ADAMTSL1: variants seen among roughly 807,000 people sequenced by gnomAD.
ADAMTSL1 encodes the protein ADAMTS like 1, also known as ADAMTS-like protein 1.
In ADAMTSL1, 126 loss-of-function variants were observed where a neutral mutation model predicts 201.8. That is an observed-to-expected ratio of 0.62 (90% CI 0.54 to 0.72). The LOEUF is 0.72. ADAMTSL1 is among the 30% of genes least tolerant of loss of function. ADAMTSL1 has a pLI of 0.00. For synonymous variants in ADAMTSL1, 1,121 were observed against 903.4 expected (o/e 1.24, Z -4.32); for missense variants, 2,679 against 2,277.8 (o/e 1.18, Z -3.59).
chr9:18,244,271 G>A (rs540086636), intron 2 of ADAMTSL1, among the ~76,000 whole-genome samples: 2 of 152,108 alleles, frequency 1.3e-5, no homozygotes, highest in Non-Finnish European at 2.9e-5. Flanking sequence ...TCTCTCAAGA[G>A]TTTTCTAATT....
intron 1 of ADAMTSL1, among the ~76,000 whole-genome samples, chr9:18,144,915 G>T (rs1004842733): frequency 6.6e-6 from 1 of 152,148 alleles, no homozygotes; most frequent in African/African-American, 2.4e-5. Context: ...GCATGATAAA[G>T]ATATTTTCCT....
intron 2 of ADAMTSL1, among the ~76,000 whole-genome samples, chr9:18,280,588 A>G (rs180897501): frequency 3.9e-5 from 6 of 152,216 alleles, no homozygotes; most frequent in Admixed American, 3.9e-4. Context: ...TTTATCTGAG[A>G]AATGATTTTT....
At chr9:18,177,527 G>C (rs1828224059) in intron 2 of ADAMTSL1, among the ~76,000 whole-genome samples, 1 of 152,114 alleles carries the variant, frequency 6.6e-6, no homozygotes, top group Non-Finnish European at 1.5e-5. Context: ...AGAAATTTCA[G>C]GACCAGTATG....
chr9:18,711,963 G>A (rs1244671678), intron 14 of ADAMTSL1, among the ~76,000 whole-genome samples: 1 of 152,266 alleles, frequency 6.6e-6, no homozygotes, highest in South Asian at 2.1e-4. Context: ...AGCCTAACTG[G>A]GAGGCACCCC....
chr9:18,186,235 G>T (rs886167930), intron 2 of ADAMTSL1, among the ~76,000 whole-genome samples: 1 of 152,180 alleles, frequency 6.6e-6, no homozygotes, highest in Non-Finnish European at 1.5e-5. Context: ...GAGAGGAAGA[G>T]ATCTTCTTGG....
At chr9:18,583,191 T>C (rs369874503) in intron 4 of ADAMTSL1, among the ~76,000 whole-genome samples, 17 of 152,096 alleles carry the variant, frequency 1.1e-4, no homozygotes, top group Non-Finnish European at 2.4e-4. Flanking sequence ...GAGGAAAAAG[T>C]GGTTTCGTGG....
intron 1 of ADAMTSL1, among the ~76,000 whole-genome samples, chr9:18,045,616 A>G (rs978702198): frequency 6.6e-6 from 1 of 152,180 alleles, no homozygotes. Context: ...CTGCCCTTCC[A>G]TAGAAATTCT....
chr9:18,647,502 C>G (rs1200952255), intron 7 of ADAMTSL1, among the ~76,000 whole-genome samples: 2 of 151,982 alleles, frequency 1.3e-5, no homozygotes, highest in African/African-American at 2.4e-5. Flanking sequence ...TGGATCTTTC[C>G]TACTTTCTCT....
At chr9:18,717,253 TAAATA>T (rs1183202399) in intron 14 of ADAMTSL1, among the ~76,000 whole-genome samples, 17 of 120,268 alleles carry the variant, frequency 1.4e-4, no homozygotes, top group African/African-American at 4.2e-4. Flanking sequence ...ATAATAATAA[TAAATA>T]AAATAAAATA....
chr9:18,780,201 AG>A (rs1009140698), intron 19 of ADAMTSL1, among the ~76,000 whole-genome samples: 51 of 152,178 alleles, frequency 3.4e-4, no homozygotes, highest in Non-Finnish European at 7.1e-4. Flanking sequence ...ACAAGCATTG[AG>A]GGGTCCAATC....
At chr9:18,857,952 C>T (rs1182802280) in intron 23 of ADAMTSL1, among the ~76,000 whole-genome samples, 1 of 152,154 alleles carries the variant, frequency 6.6e-6, no homozygotes, top group Non-Finnish European at 1.5e-5. Context: ...CTTGAACTTT[C>T]CCTGCTCCAG....
intron 2 of ADAMTSL1, among the ~76,000 whole-genome samples, chr9:18,397,114 G>T (rs978991342): frequency 1.3e-5 from 2 of 152,050 alleles, no homozygotes; most frequent in Middle Eastern, 3.2e-3. Context: ...CTAAGTTTAG[G>T]TTTGTTTAGA....
Position 18,390,312 on chromosome 9 carries a change from C to T in ADAMTSL1, c.208-114517C>T, listed in dbSNP as rs777619110. On this transcript the variant is annotated intron_variant, in intron 2 of 29. Coordinates refer to the ADAMTSL1 transcript ENST00000680146. The stretch of plus-strand genomic sequence containing the variant: ...TCCAGGTAATCATGACACACTGACA[C>T]GTAGGGCATGCTAATCTTAACAACT... 3.6e-4 allele frequency among the ~76,000 whole-genome samples: 55 copies of T among 152,246 alleles called. 1 individual carries two copies. Among genetic ancestry groups the T allele is most frequent in the Admixed American group, 1.0e-3 (16 of 15,298 alleles).
intron 22 of ADAMTSL1, among the ~76,000 whole-genome samples, chr9:18,826,760 C>T (rs1824598396): frequency 6.6e-6 from 1 of 152,186 alleles, no homozygotes; most frequent in African/African-American, 2.4e-5. Context: ...ATTGCAAGGG[C>T]AGAACAGGTA....
intron 1 of ADAMTSL1, among the ~76,000 whole-genome samples, chr9:18,147,320 G>A (rs1247955266): frequency 1.3e-5 from 2 of 152,062 alleles, no homozygotes; most frequent in African/African-American, 4.8e-5. Context: ...GATAGAAATA[G>A]TATAATATTT....
chr9:18,597,406 C>T (rs1412670), intron 4 of ADAMTSL1, among the ~76,000 whole-genome samples: 35,806 of 152,074 alleles, frequency 0.24, 4,590 homozygotes, highest in East Asian at 0.47. Context: ...ATTATTTCAA[C>T]TCTCTCTATT....
chr9:18,330,759 C>T (rs1039437635), intron 2 of ADAMTSL1, among the ~76,000 whole-genome samples: 12 of 152,218 alleles, frequency 7.9e-5, no homozygotes, highest in Non-Finnish European at 1.8e-4. Flanking sequence ...AGAAATACAA[C>T]CTTTAAGATA....
chr9:18,264,024 C>T (rs1272276035), intron 2 of ADAMTSL1, among the ~76,000 whole-genome samples: 2 of 152,184 alleles, frequency 1.3e-5, no homozygotes, highest in Non-Finnish European at 2.9e-5. Flanking sequence ...TCTATCTATG[C>T]ATTAAATGCA....
intron 2 of ADAMTSL1, among the ~76,000 whole-genome samples, chr9:18,510,076 C>G (rs534333046): frequency 1.3e-5 from 2 of 152,230 alleles, no homozygotes; most frequent in South Asian, 4.1e-4. Flanking sequence ...ATCCCATCTA[C>G]CAGGTAAATT....
Sources: gnomAD v4.1 joint callset for allele counts (sites outside exome capture counted in the v4.1 genomes callset) on GRCh38, gnomAD v4.1.1 for gene constraint, MANE v1.5 for transcripts, NCBI Gene and HGNC (gene_info 2026-07-23, HGNC 2026-07-21) for gene names.